The following PDE10A variants were observed in gnomAD, a reference collection of about 807,000 sequenced individuals.
PDE10A encodes the protein phosphodiesterase 10A.
Under a neutral mutation model 97.7 loss-of-function variants are expected in PDE10A, and 39 were observed. That is an observed-to-expected ratio of 0.40 (90% confidence interval 0.31 to 0.52). The LOEUF (loss-of-function observed/expected upper bound fraction) is 0.52. Among genes scored for constraint, PDE10A ranks in the 20% least tolerant of loss-of-function variants. The probability of loss-of-function intolerance (pLI) is 0.56; values close to 1 mark genes in which losing one functional copy is unlikely to be tolerated. For synonymous variants in PDE10A, 371 were observed against 376.8 expected (o/e 0.98, Z 0.18); for missense variants, 731 against 1,047.8 (o/e 0.70, Z 4.17).
chr6:165,568,127 T>C (rs747097862), intron 1 of PDE10A, among the ~76,000 whole-genome samples: 3 of 150,274 alleles, frequency 2.0e-5, no homozygotes, highest in Non-Finnish European at 4.4e-5. Context: ...GCCTCCCGAG[T>C]AGCTGGGACT....
intron 1 of PDE10A, among the ~76,000 whole-genome samples, chr6:165,752,601 A>G (rs1793031682): frequency 6.6e-6 from 1 of 152,180 alleles, no homozygotes; most frequent in South Asian, 2.1e-4. Flanking sequence ...AATCAGTAAA[A>G]CCCAAACATG....
chr6:165,418,030 G>C lies in PDE10A; in HGVS notation c.1796+605C>G, dbSNP rs1308793237. ...AGAGTGCTCCTTGTGTAGGTTTCCA[G>C]GTGCGATATGAGCAAGCCCCCATGC... On this transcript the variant is annotated intron_variant, in intron 11 of 21. Transcript: ENST00000539869. The surrounding 1 kb of genome is among the most constrained non-coding windows in gnomAD (Gnocchi z 4.8). 6.6e-6 allele frequency among the ~76,000 whole-genome samples: 1 copy of C among 152,064 alleles called. No individual in the cohort carries two copies. The highest frequency in any genetic ancestry group is 1.5e-5 in the Non-Finnish European group (1 of 68,016).
intron 8 of PDE10A, 88 bp from the exon 9 acceptor site, chr6:165,430,433 GA>G: frequency 1.3e-6 from 1 of 766,550 alleles, no homozygotes. Context: ...CTTATTTATT[GA>G]AAGAAGGCCT....
At chr6:165,910,506 A>G (rs560205893) in intron 1 of PDE10A, among the ~76,000 whole-genome samples, 1 of 152,360 alleles carries the variant, frequency 6.6e-6, no homozygotes, top group African/African-American at 2.4e-5. Flanking sequence ...ATACTGCCAG[A>G]ATAAAAACTA....
chr6:165,737,885 A>AT (rs1473351405), intron 1 of PDE10A, among the ~76,000 whole-genome samples: 1 of 152,210 alleles, frequency 6.6e-6, no homozygotes, highest in African/African-American at 2.4e-5. Flanking sequence ...AGATGACTTG[A>AT]TTTTTTATAA....
intron 1 of PDE10A, among the ~76,000 whole-genome samples, chr6:165,802,101 C>G (rs1035601904): frequency 6.6e-6 from 1 of 152,222 alleles, no homozygotes; most frequent in African/African-American, 2.4e-5. Flanking sequence ...AAGTCACAAA[C>G]AGTGACAAGG....
At chr6:165,364,722 T>C (rs2128195284) in intron 18 of PDE10A, among the ~76,000 whole-genome samples, 1 of 152,244 alleles carries the variant, frequency 6.6e-6, no homozygotes, top group Non-Finnish European at 1.5e-5. Context: ...AGGAAGAAAA[T>C]ATTGATCAAC....
chr6:165,681,235 T>C (rs1288603607), intron 1 of PDE10A, among the ~76,000 whole-genome samples: 1 of 152,238 alleles, frequency 6.6e-6, no homozygotes, highest in Non-Finnish European at 1.5e-5. Context: ...CTTTTCCAGA[T>C]GGTCAACAAA....
At chr6:165,493,494 G>A (rs1390471665) in intron 2 of PDE10A, among the ~76,000 whole-genome samples, 2 of 152,072 alleles carry the variant, frequency 1.3e-5, no homozygotes, top group East Asian at 3.8e-4. Context: ...TAGGCATATA[G>A]ACCAATGCAA....
At chr6:165,796,225 A>G (rs1484543733) in intron 1 of PDE10A, among the ~76,000 whole-genome samples, 2 of 149,658 alleles carry the variant, frequency 1.3e-5, no homozygotes, top group Non-Finnish European at 3.0e-5. Flanking sequence ...CCTCCCAAGT[A>G]GCCGGGACTA....
chr6:165,369,134 C>A (rs1449139434), intron 18 of PDE10A, among the ~76,000 whole-genome samples: 1 of 152,006 alleles, frequency 6.6e-6, no homozygotes, highest in East Asian at 1.9e-4. Context: ...GGGGAAAAAA[C>A]AGAGCAGAAA....
At position 165,661,798 on chromosome 6, in the gene PDE10A, C is replaced by T. The variant is rs974273458; in HGVS notation, c.865+149G>A. 1.0e-5 allele frequency: 5 copies of T among 487,856 alleles called. No homozygotes were observed. Among genetic ancestry groups the T allele is most frequent in the African/African-American group, 6.3e-5 (3 of 47,912 alleles). 30.2% of individuals were successfully genotyped at this position (487,856 alleles called of 1,614,324 possible). On this transcript the variant is annotated intron_variant, in intron 1 of 21. Transcript: ENST00000539869. This position sits in a 1 kb window ranked among gnomAD's most constrained non-coding sequence, Gnocchi z 4.8. Reference sequence around the variant, plus strand: ...CTCCGCCAGGGGCACCGGCTCCTGCCCCTCCAGAGAAGCCCCCTGGGCGCT... The same window carrying T: ...CTCCGCCAGGGGCACCGGCTCCTGCTCCTCCAGAGAAGCCCCCTGGGCGCT...
intron 2 of PDE10A, among the ~76,000 whole-genome samples, chr6:165,524,279 G>A (rs1299264577): frequency 6.6e-6 from 1 of 152,166 alleles, no homozygotes; most frequent in African/African-American, 2.4e-5. Context: ...AGTGGTTCCA[G>A]AGGAACAGAA....
chr6:165,931,040 C>T (rs1376389504), intron 1 of PDE10A, among the ~76,000 whole-genome samples: 3 of 152,156 alleles, frequency 2.0e-5, no homozygotes, highest in Non-Finnish European at 4.4e-5. Flanking sequence ...TGCACCTCTG[C>T]GATATCAGAT....
chr6:165,880,871 C>T (rs1781453997), intron 1 of PDE10A, among the ~76,000 whole-genome samples: 1 of 152,226 alleles, frequency 6.6e-6, no homozygotes, highest in Non-Finnish European at 1.5e-5. Context: ...GCCAAGCACT[C>T]TTTCCTCCTA....
chr6:165,543,289 C>CT (rs1264903148), intron 2 of PDE10A, 151 bp downstream of exon 2: 1 of 515,534 alleles, frequency 1.9e-6, no homozygotes, highest in East Asian at 3.8e-5. Context: ...CTCTAACTTA[C>CT]TTTATCTTTT....
chr6:165,615,232 G>A (rs1432715367), intron 1 of PDE10A, among the ~76,000 whole-genome samples: 1 of 149,220 alleles, frequency 6.7e-6, no homozygotes, highest in Non-Finnish European at 1.5e-5. Context: ...AAGAAAGAAA[G>A]AAAGAAAGAA....
intron 2 of PDE10A, among the ~76,000 whole-genome samples, chr6:165,506,725 A>G (rs1267320290): frequency 1.3e-5 from 2 of 152,156 alleles, no homozygotes; most frequent in Non-Finnish European, 2.9e-5. Context: ...CTGTCATTCA[A>G]AAAAGTTATA....
At chr6:165,503,434 T>C (rs1191060935) in intron 2 of PDE10A, among the ~76,000 whole-genome samples, 2 of 151,102 alleles carry the variant, frequency 1.3e-5, no homozygotes, top group Admixed American at 6.6e-5. Context: ...CAATAGGGAG[T>C]TTTAACCAAA....
Sources: gnomAD v4.1 joint callset for allele counts (sites outside exome capture counted in the v4.1 genomes callset) on GRCh38, gnomAD v4.1.1 for gene constraint, Gnocchi (gnomAD v3.1) non-coding constraint, MANE v1.5 for transcripts, NCBI Gene and HGNC (gene_info 2026-07-23, HGNC 2026-07-21) for gene names.